PARP15: variants seen among roughly 807,000 people sequenced by gnomAD.
PARP15 encodes poly(ADP-ribose) polymerase family member 15.
Under a neutral mutation model 62.1 loss-of-function variants are expected in PARP15, and 50 were observed. That is an observed-to-expected ratio of 0.81 (90% CI 0.64 to 1.02). PARP15 has a LOEUF of 1.02. Ranked by LOEUF, PARP15 falls within the 50% of genes least tolerant of loss-of-function variation. The probability of loss-of-function intolerance (pLI) is 0.00; values close to 1 mark genes in which losing one functional copy is unlikely to be tolerated. For synonymous variants in PARP15, 309 were observed against 293.1 expected (o/e 1.05, Z -0.55); for missense variants, 820 against 826.5 (o/e 0.99, Z 0.10).
chr3:122,622,568 T>A (rs1308514630), intron 8 of PARP15, among the ~76,000 whole-genome samples: 2 of 152,290 alleles, frequency 1.3e-5, no homozygotes, highest in Non-Finnish European at 2.9e-5. Context: ...CCCAGCCGGC[T>A]CCTCATTTGT....
chr3:122,578,024 G>A (rs904755756), intron 1 of PARP15, among the ~76,000 whole-genome samples, 171 bp downstream of exon 1: 1 of 149,882 alleles, frequency 6.7e-6, no homozygotes, highest in African/African-American at 2.4e-5. Context: ...GATGCGTGCT[G>A]CTTCTTTTTC....
intron 1 of PARP15, among the ~76,000 whole-genome samples, chr3:122,589,751 A>G (rs939341596): frequency 6.6e-6 from 1 of 151,988 alleles, no homozygotes; most frequent in Admixed American, 6.5e-5. Flanking sequence ...CTTGTAAGGG[A>G]TCTTTATATA....
At chr3:122,601,919 A>T (rs1356357320) in intron 1 of PARP15, among the ~76,000 whole-genome samples, 1 of 151,222 alleles carries the variant, frequency 6.6e-6, no homozygotes, top group East Asian at 1.9e-4. Flanking sequence ...GCTGCTCCAC[A>T]TCCTTGCATT....
chr3:122,623,059 T>C (rs986666634), intron 8 of PARP15, among the ~76,000 whole-genome samples: 4 of 152,234 alleles, frequency 2.6e-5, no homozygotes, highest in African/African-American at 9.6e-5. Flanking sequence ...ACATTCTTCC[T>C]GGCTTCCACA....
chr3:122,593,096 C>CTATCTATCTA (rs1216748035), intron 1 of PARP15, among the ~76,000 whole-genome samples: 8 of 66,602 alleles, frequency 1.2e-4, no homozygotes, highest in Non-Finnish European at 2.8e-4. Flanking sequence ...ATCTGTCTAT[C>CTATCTATCTA]TATCTATCTA....
At chr3:122,619,354 C>T (rs193214392) in intron 6 of PARP15, among the ~76,000 whole-genome samples, 7 of 152,274 alleles carry the variant, frequency 4.6e-5, no homozygotes, top group African/African-American at 1.2e-4. Context: ...TGGAGTGAAA[C>T]CAGCTGTTTA....
intron 3 of PARP15, among the ~76,000 whole-genome samples, chr3:122,611,395 G>A (rs1259940069): frequency 3.3e-5 from 5 of 149,692 alleles, no homozygotes; most frequent in Admixed American, 1.3e-4. Flanking sequence ...GCAGTGGGGC[G>A]CCATCTCAGC....
At chr3:122,628,485 C>T (rs1936871340) in intron 9 of PARP15, among the ~76,000 whole-genome samples, 1 of 152,052 alleles carries the variant, frequency 6.6e-6, no homozygotes, top group Admixed American at 6.5e-5. Context: ...CATTTTTTCC[C>T]TTTGGTCCTT....
intron 1 of PARP15, among the ~76,000 whole-genome samples, chr3:122,587,936 A>G (rs982322911): frequency 2.0e-5 from 3 of 152,182 alleles, no homozygotes; most frequent in African/African-American, 7.2e-5. Flanking sequence ...TCTTTTGCTC[A>G]TTTTAAAATT....
rs577089159 is a variant in PARP15, at chr3:122,606,197, A to G, written c.306+142A>G. 255 of 1,077,516 alleles carry G rather than the reference A, an allele frequency of 2.4e-4. 1 individual carries two copies. Among genetic ancestry groups the G allele is most frequent in the Non-Finnish European group, 1.3e-4 (100 of 774,168 alleles). 66.7% of individuals were successfully genotyped at this position (1,077,516 alleles called of 1,614,324 possible). A position where few individuals can be genotyped will look rare whatever the true frequency, so the allele number is the denominator to read the frequency against. On this transcript the variant is annotated intron_variant, in intron 2 of 11. Transcript: ENST00000464300. ...AAGATAAATTTGAGAAGTTAAACCC[A>G]CTTAAAGTTTATGCAGATATATACT...
intron 1 of PARP15, among the ~76,000 whole-genome samples, chr3:122,581,072 T>A (rs1234416051): frequency 1.3e-5 from 2 of 152,204 alleles, no homozygotes; most frequent in East Asian, 3.8e-4. Flanking sequence ...TATAGTAGGC[T>A]ATACCATCTA....
chr3:122,600,892 G>C (rs912514835), intron 1 of PARP15, among the ~76,000 whole-genome samples: 1 of 150,626 alleles, frequency 6.6e-6, no homozygotes, highest in Non-Finnish European at 1.5e-5. Flanking sequence ...CCCTCCCCTA[G>C]TTTCCCCTAT....
intron 6 of PARP15, among the ~76,000 whole-genome samples, chr3:122,617,509 C>G (rs1271542904): frequency 1.3e-5 from 2 of 152,166 alleles, no homozygotes; most frequent in African/African-American, 4.8e-5. Flanking sequence ...TTTAGTACCT[C>G]TAAGTTCCTC....
At chr3:122,583,939 C>T (rs549965357) in intron 1 of PARP15, among the ~76,000 whole-genome samples, 8 of 152,326 alleles carry the variant, frequency 5.3e-5, no homozygotes, top group Admixed American at 1.3e-4. Flanking sequence ...CTGTCTGTCT[C>T]CTCAACTCAG....
In PARP15 at chr3:122,577,716, C is replaced by G. The variant is rs1461011717; in HGVS notation, c.49C>G (p.Pro17Ala). The G allele has an allele frequency of 6.4e-7, 1 of 1,551,586 alleles. No homozygotes were observed. Among genetic ancestry groups the G allele is most frequent in the Non-Finnish European group, 8.7e-7 (1 of 1,146,982 alleles). Residue 17 changes from proline (P) to alanine (A), a missense_variant, in exon 1 of 12, where the codon CCG becomes GCG. Physicochemically the swap from Pro to Ala is conservative, Grantham distance 27 (BLOSUM62 -1). Coordinates refer to ENST00000464300, the MANE Select transcript of PARP15 (RefSeq NM_001113523.3). ...TGCCGCTGCTCTGAGTCCAGGGGCT[C>G]CGACCCCCAGAGAACTTATGCACGG... is the stretch of plus-strand genomic sequence containing the variant. Reference protein sequence around the residue: ...LPAAALSPGAPTPRELMHGVA... With the variant: ...LPAAALSPGAATPRELMHGVA...
intron 8 of PARP15, among the ~76,000 whole-genome samples, chr3:122,623,438 A>T (rs1042369275): frequency 1.3e-5 from 2 of 152,236 alleles, no homozygotes; most frequent in African/African-American, 4.8e-5. Flanking sequence ...AAGGGTTGCA[A>T]CTGGATAGGT....
intron 7 of PARP15, 60 bp from the exon 8 acceptor site, chr3:122,621,384 C>A: frequency 6.6e-7 from 1 of 1,509,770 alleles, no homozygotes. Flanking sequence ...TCTCAAAAAT[C>A]AAAGTGTTGC....
chr3:122,613,697 A>C (rs577008488), intron 4 of PARP15, among the ~76,000 whole-genome samples: 1 of 152,262 alleles, frequency 6.6e-6, no homozygotes, highest in East Asian at 1.9e-4. Context: ...AGCAGTGGAG[A>C]AGCAGTCAAG....
chr3:122,595,804 A>C (rs1332508861), intron 1 of PARP15, among the ~76,000 whole-genome samples: 2 of 151,318 alleles, frequency 1.3e-5, no homozygotes, highest in African/African-American at 4.8e-5. Context: ...AAGTGTTGGG[A>C]TTACAGGCAT....
Sources: allele counts gnomAD v4.1 joint callset (sites outside exome capture counted in the v4.1 genomes callset), GRCh38; gene constraint gnomAD v4.1.1; transcripts MANE v1.5; gene names NCBI Gene and HGNC (gene_info 2026-07-23, HGNC 2026-07-21).